TRMT9B: variants seen among roughly 807,000 people sequenced by gnomAD.
TRMT9B encodes probable tRNA methyltransferase 9B.
A neutral mutation model predicts 11.5 loss-of-function variants in TRMT9B; 16 were observed. The ratio of observed to expected loss-of-function variants is 1.39; its 90% CI spans 0.94 to 2.11. The LOEUF (loss-of-function observed/expected upper bound fraction) is 2.11. Ranked by LOEUF, TRMT9B falls within the 30% of genes most tolerant of loss-of-function variation. The pLI, the probability that TRMT9B is intolerant of heterozygous loss-of-function variation, is 0.00. For missense variants in TRMT9B, 941 were observed against 553.8 expected (o/e 1.70, Z -7.02); for synonymous variants, 274 against 192.4 (o/e 1.42, Z -3.51).
At chr8:12,949,103 AC>A (rs1418250779) in intron 1 of TRMT9B, among the ~76,000 whole-genome samples, 1 of 152,188 alleles carries the variant, frequency 6.6e-6, no homozygotes, top group Non-Finnish European at 1.5e-5. Context: ...CTTATTAATA[AC>A]AATCTTATGT....
At chr8:12,956,161 G>C (rs544727506) in intron 1 of TRMT9B, among the ~76,000 whole-genome samples, 10 of 152,280 alleles carry the variant, frequency 6.6e-5, no homozygotes, top group African/African-American at 1.9e-4. Flanking sequence ...GCAGCTTATA[G>C]GTTTCTAGCC....
At chr8:13,006,709 A>G (rs2128890714) in intron 3 of TRMT9B, 1 of 1,252,436 alleles carries the variant, frequency 8.0e-7, no homozygotes. Context: ...ACTCTTGTCA[A>G]CCAGATTGGA....
intron 3 of TRMT9B, among the ~76,000 whole-genome samples, chr8:13,008,462 G>A (rs1211641203): frequency 6.6e-6 from 1 of 152,184 alleles, no homozygotes; most frequent in Non-Finnish European, 1.5e-5. Context: ...CAAATATTTT[G>A]CTGCACTGTG....
intron 3 of TRMT9B, among the ~76,000 whole-genome samples, chr8:13,008,732 T>A (rs1056571021): frequency 3.9e-5 from 6 of 152,032 alleles, no homozygotes; most frequent in Non-Finnish European, 7.4e-5. Context: ...TCTAGATAAT[T>A]TTTTTTTCTT....
At chr8:12,982,882 A>G (rs1805646860) in intron 1 of TRMT9B, among the ~76,000 whole-genome samples, 1 of 152,160 alleles carries the variant, frequency 6.6e-6, no homozygotes, top group South Asian at 2.1e-4. Context: ...CCAAGGGACA[A>G]AAGGCCCTTC....
chr8:12,961,253 T>C (rs901390237), intron 1 of TRMT9B, among the ~76,000 whole-genome samples: 5 of 152,178 alleles, frequency 3.3e-5, no homozygotes, highest in Non-Finnish European at 7.3e-5. Flanking sequence ...TGAATCCTAA[T>C]ACAGCCTACG....
intron 2 of TRMT9B, among the ~76,000 whole-genome samples, chr8:13,005,461 G>C (rs959849210): frequency 1.3e-5 from 2 of 152,134 alleles, no homozygotes; most frequent in Non-Finnish European, 2.9e-5. Context: ...TAAAGGATAA[G>C]TGCTCGAGGT....
At chr8:13,008,214 C>A (rs575836321) in intron 3 of TRMT9B, among the ~76,000 whole-genome samples, 1 of 152,172 alleles carries the variant, frequency 6.6e-6, no homozygotes, top group Non-Finnish European at 1.5e-5. Flanking sequence ...ATAACTCTTT[C>A]GTGAACAAAG....
chr8:13,022,243 G>A lies in TRMT9B; in HGVS notation c.*199G>A, dbSNP rs1259981032. On this transcript the variant is annotated 3_prime_UTR_variant, in exon 5 of 5. Transcript: ENST00000524591. ...TGGCATTGAAAGCACTTGACAAAGG[G>A]TATTTGTGCTTAAATGTTAATATAC... 3 of 503,476 alleles carry A rather than the reference G, an allele frequency of 6.0e-6. No individual in the cohort carries two copies. Among genetic ancestry groups the A allele is most frequent in the East Asian group, 6.6e-5 (2 of 30,120 alleles). 31.2% of individuals were successfully genotyped at this position (503,476 alleles called of 1,614,324 possible).
intron 1 of TRMT9B, among the ~76,000 whole-genome samples, chr8:12,982,050 T>C (rs757125760): frequency 2.0e-5 from 3 of 152,204 alleles, no homozygotes; most frequent in Non-Finnish European, 4.4e-5. Context: ...TAATAGTAAA[T>C]AGTAGGCTTT....
Position 13,022,253 on chromosome 8 carries a change from T to G in TRMT9B, c.*209T>G. ...AGCACTTGACAAAGGGTATTTGTGC[T>G]TAAATGTTAATATACAAGATCTGAA... On this transcript the variant is annotated 3_prime_UTR_variant, in exon 5 of 5. Transcript: ENST00000524591. The G allele has an allele frequency of 2.0e-6, 1 of 489,400 alleles. No individual in the cohort carries two copies. The highest frequency in any genetic ancestry group is 3.4e-5 in the East Asian group (1 of 29,292). 30.3% of individuals were successfully genotyped at this position (489,400 alleles called of 1,614,324 possible).
At chr8:12,989,788 G>A (rs1385180314) in intron 1 of TRMT9B, among the ~76,000 whole-genome samples, 1 of 152,172 alleles carries the variant, frequency 6.6e-6, no homozygotes, top group Non-Finnish European at 1.5e-5. Flanking sequence ...AAAATTGCAT[G>A]AGGAAAGATA....
chr8:13,029,766 G>A lies in TRMT9B; in HGVS notation c.*7722G>A, dbSNP rs932721131. 5 of 152,426 alleles carry A rather than the reference G, an allele frequency of 3.3e-5. No homozygotes were observed. The highest frequency in any genetic ancestry group is 5.9e-5 in the Non-Finnish European group (4 of 68,042). The allele number at this position is 152,426 out of a possible 1,614,324, so 9.4% of individuals were successfully genotyped here. ...TTTTGAGATTAATAAAGATGTATTA[G>A]ATTATCCAAAAGTGGATGTGTGCAA... On this transcript the variant is annotated 3_prime_UTR_variant, in exon 5 of 5. Coordinates refer to ENST00000524591, the MANE Select transcript of TRMT9B (RefSeq NM_020844.3).
chr8:12,957,030 G>A (rs148272258), intron 1 of TRMT9B, among the ~76,000 whole-genome samples: 2 of 152,228 alleles, frequency 1.3e-5, no homozygotes, highest in East Asian at 3.9e-4. Flanking sequence ...ATTCGTCCAG[G>A]GAGTGGATAA....
intron 1 of TRMT9B, among the ~76,000 whole-genome samples, chr8:12,982,576 C>A (rs1457684885): frequency 6.6e-6 from 1 of 151,938 alleles, no homozygotes; most frequent in Non-Finnish European, 1.5e-5. Flanking sequence ...ATGGGAACAT[C>A]ACTGGAACCC....
chr8:12,978,936 A>T (rs1411638122), intron 1 of TRMT9B, among the ~76,000 whole-genome samples: 3 of 152,184 alleles, frequency 2.0e-5, no homozygotes, highest in Non-Finnish European at 4.4e-5. Flanking sequence ...CTTACCCCAG[A>T]TCTTTGCCTT....
rs140611513 is a variant in TRMT9B at position 12,947,241 on chromosome 8, G to C, written c.-200+1275G>C. On this transcript the variant is annotated intron_variant, in intron 1 of 4. Transcript: ENST00000524591. ...TCTCCAGTCTCCTAAAGATCAGTCT[G>C]AGAGACTGGAACACACCTCACAATT... Among the ~76,000 whole-genome samples, 401 of 152,288 alleles carry C rather than the reference G, an allele frequency of 2.6e-3. 2 individuals are homozygous for C. Among genetic ancestry groups the C allele is most frequent in the African/African-American group, 9.1e-3 (378 of 41,548 alleles).
intron 1 of TRMT9B, among the ~76,000 whole-genome samples, chr8:12,972,484 G>A (rs557108456): frequency 2.0e-5 from 3 of 152,278 alleles, no homozygotes; most frequent in African/African-American, 2.4e-5. Context: ...AACAAATGCC[G>A]CTGCCAGGGT....
At chr8:13,018,434 T>C (rs914234318) in intron 4 of TRMT9B, among the ~76,000 whole-genome samples, 6 of 151,538 alleles carry the variant, frequency 4.0e-5, no homozygotes, top group Non-Finnish European at 7.4e-5. Flanking sequence ...AAAACCTACT[T>C]TGAAGTCCAA....
Sources: allele counts gnomAD v4.1 joint callset (sites outside exome capture counted in the v4.1 genomes callset), GRCh38; gene constraint gnomAD v4.1.1; transcripts MANE v1.5; gene names NCBI Gene and HGNC (gene_info 2026-07-23, HGNC 2026-07-21).